The following MME variants were observed in gnomAD, a reference collection of about 807,000 sequenced individuals.
MME encodes membrane metalloendopeptidase.
A neutral mutation model predicts 113.2 loss-of-function variants in MME; 98 were observed. The observed-to-expected ratio is 0.87, with a 90% CI of 0.74 to 1.02. The LOEUF is 1.02. MME is among the 50% of genes least tolerant of loss of function. The pLI, the probability that MME is intolerant of heterozygous loss-of-function variation, is 0.00. For missense variants in MME, 836 were observed against 896.0 expected (o/e 0.93, Z 0.86); for synonymous variants, 292 against 300.6 (o/e 0.97, Z 0.30).
rs999935707 is a variant in MME at position 155,114,931 on chromosome 3, T to C, written c.197-63T>C. On this transcript the variant is annotated intron_variant, in intron 3 of 22. Transcript: ENST00000360490. Reference sequence around the variant, plus strand: ...CAAAAGGGAGCAATAAGCCTTTTTCTCCTTTTAAGCCTCTTAAGAAATAAA... The same window carrying C: ...CAAAAGGGAGCAATAAGCCTTTTTCCCCTTTTAAGCCTCTTAAGAAATAAA... 3.2e-5 allele frequency: 50 copies of C among 1,551,448 alleles called. No individual in the cohort carries two copies. In the African/African-American group the frequency reaches 6.4e-4, roughly 20 times the overall value.
chr3:155,052,359 G>A (rs933461703), intron 1 of MME, among the ~76,000 whole-genome samples: 1 of 152,180 alleles, frequency 6.6e-6, no homozygotes, highest in Non-Finnish European at 1.5e-5. Context: ...TTTCCCTTCT[G>A]CACTGCCCTA....
intron 3 of MME, among the ~76,000 whole-genome samples, chr3:155,102,794 C>A (rs1047964023): frequency 1.3e-5 from 2 of 152,152 alleles, no homozygotes; most frequent in Admixed American, 1.3e-4. Context: ...AAGACCAGGC[C>A]TCTGCTCCCA....
At chr3:155,056,059 G>A (rs1171101583) in intron 1 of MME, among the ~76,000 whole-genome samples, 1 of 151,940 alleles carries the variant, frequency 6.6e-6, no homozygotes, top group East Asian at 1.9e-4. Flanking sequence ...TTTCTTCTCT[G>A]TTTTTTAACT....
chr3:155,024,798 C>T (rs986130449), intron 1 of MME, among the ~76,000 whole-genome samples: 3 of 151,948 alleles, frequency 2.0e-5, no homozygotes, highest in Non-Finnish European at 2.9e-5. Context: ...TACTTATGTG[C>T]ACATAAAATT....
intron 6 of MME, 31 bp downstream of exon 6, chr3:155,116,790 T>C (rs1232249637): frequency 6.3e-7 from 1 of 1,590,728 alleles, no homozygotes; most frequent in Non-Finnish European, 8.6e-7. Flanking sequence ...AAAAAGAAAT[T>C]TCCATGTAAA....
At chr3:155,145,837 T>C (rs1721464138) in intron 14 of MME, among the ~76,000 whole-genome samples, 1 of 152,146 alleles carries the variant, frequency 6.6e-6, no homozygotes, top group Non-Finnish European at 1.5e-5. Context: ...TTACAGTAAA[T>C]AAAGTATCAT....
intron 1 of MME, among the ~76,000 whole-genome samples, chr3:155,057,626 A>ACATTTTATACTC (rs1280534021): frequency 6.6e-5 from 10 of 151,878 alleles, no homozygotes; most frequent in African/African-American, 2.4e-4. Context: ...GGAGTGAGTT[A>ACATTTTATACTC]CATTTTATAC....
intron 3 of MME, among the ~76,000 whole-genome samples, chr3:155,093,690 T>C (rs2108197844): frequency 6.6e-6 from 1 of 152,040 alleles, no homozygotes; most frequent in South Asian, 2.1e-4. Flanking sequence ...ACTCTGCCTC[T>C]ACTAAAAATA....
chr3:155,076,494 C>A (rs927565055), upstream of MME, among the ~76,000 whole-genome samples: 2 of 152,136 alleles, frequency 1.3e-5, no homozygotes, highest in African/African-American at 4.8e-5. Context: ...ACTCACATAT[C>A]CTTCTTGATT....
intron 3 of MME, among the ~76,000 whole-genome samples, chr3:155,103,647 G>A (rs1175852260): frequency 6.6e-6 from 1 of 152,172 alleles, no homozygotes; most frequent in Non-Finnish European, 1.5e-5. Context: ...CAGCTCTCTA[G>A]GAGCAAAGTC....
chr3:155,084,498 G>A, intron 2 of MME, 171 bp downstream of exon 2: 1 of 696,512 alleles, frequency 1.4e-6, no homozygotes, highest in African/African-American at 1.8e-5. Context: ...TAACTTTGAA[G>A]TACGGTGCCT....
rs1713211279 is a variant in MME at position 155,038,741 on chromosome 3, T to TACCATAGATCTTAGCA, written c.-11+14421_-11+14436dup. ...ATTTCGTGTATAGAAGACTCATGCT[T>TACCATAGATCTTAGCA]ACCATAGATCTTAGCAACCTCAGCA... On this transcript the variant is annotated intron_variant, in intron 1 of 22. Coordinates refer to the MME transcript ENST00000492661. 2.0e-5 allele frequency among the ~76,000 whole-genome samples: 3 copies of TACCATAGATCTTAGCA among 152,276 alleles called. No individual in the cohort carries two copies. In the South Asian group the frequency reaches 6.2e-4, roughly 32 times the overall value.
chr3:155,141,297 G>A (rs962062390), intron 10 of MME, among the ~76,000 whole-genome samples: 1 of 152,140 alleles, frequency 6.6e-6, no homozygotes, highest in Non-Finnish European at 1.5e-5. Context: ...GAAGAAAATT[G>A]TATAGCATAG....
chr3:155,031,778 C>T (rs1712980071), intron 1 of MME, among the ~76,000 whole-genome samples: 1 of 152,224 alleles, frequency 6.6e-6, no homozygotes, highest in African/African-American at 2.4e-5. Context: ...CTGCCTCAGC[C>T]TCCCAAGTAG....
chr3:155,150,963 C>T (rs551593163), intron 16 of MME, among the ~76,000 whole-genome samples: 1 of 152,208 alleles, frequency 6.6e-6, no homozygotes, highest in East Asian at 1.9e-4. Context: ...GGGAAAGTTA[C>T]TGACTTATTT....
intron 1 of MME, among the ~76,000 whole-genome samples, chr3:155,049,731 T>C (rs1713694748): frequency 6.6e-6 from 1 of 152,072 alleles, no homozygotes; most frequent in African/African-American, 2.4e-5. Flanking sequence ...GTTTCTGGTG[T>C]GATCTCAGAA....
chr3:155,065,052 T>G (rs998040307), intron 1 of MME, among the ~76,000 whole-genome samples: 1 of 152,208 alleles, frequency 6.6e-6, no homozygotes, highest in Non-Finnish European at 1.5e-5. Context: ...TATGACCTTT[T>G]CTTAGCTAAT....
intron 3 of MME, among the ~76,000 whole-genome samples, chr3:155,097,254 A>G (rs1303727158): frequency 6.6e-6 from 1 of 152,210 alleles, no homozygotes; most frequent in Non-Finnish European, 1.5e-5. Context: ...CAGCATGTGG[A>G]TGATATGGTT....
chr3:155,160,604 C>T lies in MME; in HGVS notation c.1660+156C>T, dbSNP rs1281477430. ...TCTTGAAAGTAAATGCATCCGTGTA[C>T]CTTCTTTCACTATAGTGGGAAAATT... is the stretch of plus-strand genomic sequence containing the variant. On this transcript the variant is annotated intron_variant, in intron 17 of 22. Coordinates refer to ENST00000360490, the MANE Select transcript of MME (RefSeq NM_007289.4). Among the ~76,000 whole-genome samples the T allele has an allele frequency of 2.0e-5, 3 of 152,024 alleles. No homozygotes were observed. In the East Asian group the frequency reaches 5.8e-4, roughly 29 times the overall value.
Sources: allele counts gnomAD v4.1 joint callset (sites outside exome capture counted in the v4.1 genomes callset), GRCh38; gene constraint gnomAD v4.1.1; transcripts MANE v1.5; gene names NCBI Gene and HGNC (gene_info 2026-07-23, HGNC 2026-07-21).